Variants in STK33 observed in about 807,000 individuals in gnomAD.
STK33 encodes the protein serine/threonine kinase 33.
A neutral mutation model predicts 58.0 loss-of-function variants in STK33; 52 were observed. The ratio of observed to expected loss-of-function variants is 0.90; its 90% CI spans 0.72 to 1.13. STK33 has a LOEUF of 1.13. Among genes scored for constraint, STK33 ranks in the 50% most tolerant of loss-of-function variants. The pLI, the probability that STK33 is intolerant of heterozygous loss-of-function variation, is 0.00. For synonymous variants in STK33, 215 were observed against 200.1 expected (o/e 1.07, Z -0.63); for missense variants, 630 against 604.2 (o/e 1.04, Z -0.45).
intron 11 of STK33, among the ~76,000 whole-genome samples, chr11:8,443,942 G>A (rs1254421346): frequency 6.6e-6 from 1 of 152,180 alleles, no homozygotes; most frequent in Non-Finnish European, 1.5e-5. Flanking sequence ...AGGAGGCTGA[G>A]GCTGCAGTAA....
the STK33 span, among the ~76,000 whole-genome samples, chr11:8,372,099 C>T: frequency 3.9e-5 from 6 of 152,040 alleles, no homozygotes; most frequent in Admixed American, 6.6e-5. Flanking sequence ...AACTCCTAGG[C>T]TCAAGAGATC....
chr11:8,571,011 T>C lies in STK33; in HGVS notation c.-466+23072A>G, dbSNP rs1591839054. Among the ~76,000 whole-genome samples, 3 of 152,276 alleles carry C rather than the reference T, an allele frequency of 2.0e-5. No homozygotes were observed. The South Asian group carries it at 6.2e-4, about 32-fold the overall frequency. On this transcript the variant is annotated intron_variant, in intron 1 of 15. Transcript: ENST00000687296. The stretch of plus-strand genomic sequence containing the variant: ...GACAAAATACATGATACAATGGTTT[T>C]TGGACCATCACACAAGACACAGCAC...
At position 8,453,012 on chromosome 11, in the gene STK33, G is replaced by C. The variant is rs1180507842; in HGVS notation, c.787-106C>G. 6 of 981,294 alleles carry C rather than the reference G, an allele frequency of 6.1e-6. No individual in the cohort carries two copies. In the East Asian group the frequency reaches 9.6e-5, roughly 16 times the overall value. The allele number at this position is 981,294 out of a possible 1,614,324, so 60.8% of individuals were successfully genotyped here. ...ATTTGCATTGAATTCTGGGGTTCTT[G>C]GGGGTGGGAGGACTTTAATTGAATC... On this transcript the variant is annotated intron_variant, in intron 10 of 15. Transcript: ENST00000687296.
In STK33 at chr11:8,582,404, T is replaced by C. The variant is rs971443576; in HGVS notation, c.-466+11679A>G. Among the ~76,000 whole-genome samples, 20 of 152,336 alleles carry C rather than the reference T, an allele frequency of 1.3e-4. 1 individual carries two copies. The South Asian group carries it at 1.9e-3, about 14-fold the overall frequency. On this transcript the variant is annotated intron_variant, in intron 1 of 15. Transcript: ENST00000687296. ...TAATTTATAAAGGAAAGGGGTTTAA[T>C]TGACTCACAGTTCAGCATGGCTTGG...
chr11:8,419,582 T>C (rs1172277145), intron 14 of STK33, among the ~76,000 whole-genome samples: 1 of 152,196 alleles, frequency 6.6e-6, no homozygotes, highest in East Asian at 1.9e-4. Flanking sequence ...TTTGGTTCCA[T>C]ATGAATTTTA....
At chr11:8,534,136 G>A (rs951037844) in intron 1 of STK33, among the ~76,000 whole-genome samples, 6 of 152,078 alleles carry the variant, frequency 3.9e-5, no homozygotes, top group Non-Finnish European at 7.4e-5. Flanking sequence ...TTAGCCGGGC[G>A]TGGTGGCAGG....
the STK33 span, among the ~76,000 whole-genome samples, chr11:8,357,065 T>C: frequency 0.024 from 3,601 of 152,304 alleles, 130 homozygotes; most frequent in African/African-American, 0.082. Context: ...GCTGTCTCCC[T>C]CCTTCCCGGC....
chr11:8,485,923 T>C (rs1482199354), intron 1 of STK33, among the ~76,000 whole-genome samples: 1 of 152,208 alleles, frequency 6.6e-6, no homozygotes, highest in Non-Finnish European at 1.5e-5. Flanking sequence ...GCAAACAATT[T>C]TGTTTAGCTT....
At chr11:8,387,381 G>A (rs188455994), downstream of STK33, among the ~76,000 whole-genome samples, 6 of 152,308 alleles carry the variant, frequency 3.9e-5, no homozygotes, top group Admixed American at 2.6e-4. Flanking sequence ...TCCAGTTTAC[G>A]TTCTGCTACT....
the STK33 span, among the ~76,000 whole-genome samples, chr11:8,366,705 A>AC: frequency 6.6e-6 from 1 of 152,288 alleles, no homozygotes; most frequent in Non-Finnish European, 1.5e-5. Flanking sequence ...AGAGGCCCAG[A>AC]CCCCAATCCT....
chr11:8,516,510 G>A (rs2139644496), intron 1 of STK33, among the ~76,000 whole-genome samples: 2 of 152,352 alleles, frequency 1.3e-5, no homozygotes, highest in African/African-American at 4.8e-5. Context: ...GACAGAGGGT[G>A]CAGCCCACGG....
At chr11:8,498,585 AT>A (rs1951246982) in intron 1 of STK33, among the ~76,000 whole-genome samples, 1 of 151,200 alleles carries the variant, frequency 6.6e-6, no homozygotes, top group Admixed American at 6.6e-5. Context: ...TGGAAAAAAA[AT>A]AAATTTCATA....
the STK33 span, among the ~76,000 whole-genome samples, chr11:8,348,134 T>C: frequency 1.3e-5 from 2 of 152,208 alleles, no homozygotes; most frequent in East Asian, 3.8e-4. Flanking sequence ...AGCTGACCCC[T>C]CACCTCTTTT....
intron 11 of STK33, 22 bp downstream of exon 11, chr11:8,452,800 A>G (rs1456842700): frequency 6.2e-7 from 1 of 1,605,906 alleles, no homozygotes; most frequent in South Asian, 1.1e-5. Flanking sequence ...AACAAAAATT[A>G]ATTTTAAGTC....
intron 8 of STK33, among the ~76,000 whole-genome samples, chr11:8,459,997 G>A (rs1947325726): frequency 6.6e-6 from 1 of 152,182 alleles, no homozygotes; most frequent in Non-Finnish European, 1.5e-5. Flanking sequence ...ACTGGGGAGA[G>A]CCCCTCAGTA....
chr11:8,581,355 A>AT (rs1455304687), intron 1 of STK33, among the ~76,000 whole-genome samples: 1 of 151,926 alleles, frequency 6.6e-6, no homozygotes, highest in Non-Finnish European at 1.5e-5. Context: ...CCATATATAT[A>AT]AAAAAAATAG....
chr11:8,585,579 T>C (rs1203954848), intron 1 of STK33, among the ~76,000 whole-genome samples: 2 of 152,008 alleles, frequency 1.3e-5, no homozygotes, highest in African/African-American at 4.8e-5. Context: ...AGACAGATGT[T>C]AATTAACTAC....
At chr11:8,545,157 T>C (rs1401955635) in intron 1 of STK33, among the ~76,000 whole-genome samples, 1 of 152,174 alleles carries the variant, frequency 6.6e-6, no homozygotes. Context: ...TTTGTGGGAT[T>C]ATTCCAACCT....
intron 8 of STK33, among the ~76,000 whole-genome samples, chr11:8,458,933 A>C (rs750706919): frequency 3.3e-5 from 5 of 152,188 alleles, no homozygotes; most frequent in Non-Finnish European, 7.3e-5. Context: ...CTATAGCGCA[A>C]TTCAGATTCA....
Sources: gnomAD v4.1 joint callset for allele counts (sites outside exome capture counted in the v4.1 genomes callset) on GRCh38, gnomAD v4.1.1 for gene constraint, MANE v1.5 for transcripts, NCBI Gene and HGNC (gene_info 2026-07-23, HGNC 2026-07-21) for gene names.